Variants in RAB31 observed in about 807,000 individuals in gnomAD.
The protein encoded by RAB31 is ras-related protein Rab-31.
RAB31 carries 21 observed loss-of-function variants against 25.6 expected under a neutral mutation model. That is an observed-to-expected ratio of 0.82 (90% CI 0.58 to 1.18). The LOEUF (loss-of-function observed/expected upper bound fraction) is 1.18, where lower values mean the gene tolerates loss of function less well. Ranked by LOEUF, RAB31 falls within the 50% of genes most tolerant of loss-of-function variation. The pLI, the probability that RAB31 is intolerant of heterozygous loss-of-function variation, is 0.00. For synonymous variants in RAB31, 87 were observed against 84.0 expected (o/e 1.04, Z -0.20); for missense variants, 196 against 250.1 (o/e 0.78, Z 1.46).
intron 6 of RAB31, among the ~76,000 whole-genome samples, chr18:9,853,152 A>G (rs996103752): frequency 6.6e-6 from 1 of 152,128 alleles, no homozygotes; most frequent in Admixed American, 6.6e-5. Flanking sequence ...TTGTTTTTCA[A>G]TTATTTTCTC....
chr18:9,836,797 C>T lies in RAB31; in HGVS notation c.381-8785C>T, dbSNP rs542208815. ...ATGGGTAGAGTCAGTGTGTGAGGAACGGGGTGAAACATGGGGAGATTCAGT... is the reference window on the plus strand; with the variant it reads ...ATGGGTAGAGTCAGTGTGTGAGGAATGGGGTGAAACATGGGGAGATTCAGT... On this transcript the variant is annotated intron_variant, in intron 5 of 6. Coordinates refer to ENST00000578921, the MANE Select transcript of RAB31 (RefSeq NM_006868.4). Among the ~76,000 whole-genome samples, 193 of 145,390 alleles carry T rather than the reference C, an allele frequency of 1.3e-3. 1 individual carries two copies. Among genetic ancestry groups the T allele is most frequent in the African/African-American group, 4.6e-3 (176 of 38,412 alleles).
At chr18:9,828,191 G>A (rs2068659666) in intron 5 of RAB31, among the ~76,000 whole-genome samples, 1 of 152,160 alleles carries the variant, frequency 6.6e-6, no homozygotes, top group East Asian at 1.9e-4. Flanking sequence ...CTGCCCTGGG[G>A]AATAGTGGGA....
chr18:9,784,106 G>A (rs918946984), intron 2 of RAB31, among the ~76,000 whole-genome samples: 2 of 152,104 alleles, frequency 1.3e-5, no homozygotes, highest in Admixed American at 6.5e-5. Context: ...GCACAATCAT[G>A]GCTCACTGTA....
At chr18:9,800,818 A>G (rs2068510517) in intron 3 of RAB31, among the ~76,000 whole-genome samples, 1 of 152,104 alleles carries the variant, frequency 6.6e-6, no homozygotes, top group Non-Finnish European at 1.5e-5. Flanking sequence ...CTTTACTGAG[A>G]TCCGATTCAC....
intron 6 of RAB31, among the ~76,000 whole-genome samples, chr18:9,849,352 A>G (rs1030791950): frequency 3.9e-5 from 6 of 152,180 alleles, no homozygotes; most frequent in Non-Finnish European, 8.8e-5. Context: ...ATGGTGCTGA[A>G]TTCGGGGCTT....
rs960877230 is a variant in RAB31, at chr18:9,773,181, C to T, written c.40-2097C>T. 4.6e-5 allele frequency among the ~76,000 whole-genome samples: 7 copies of T among 152,154 alleles called. No individual in the cohort carries two copies. In the South Asian group the frequency reaches 6.2e-4, roughly 14 times the overall value. ...CTGATGAGTATTAAAAGCCAAGTCC[C>T]CTGTTGCCCCAGGTTTGCTGGAATT... is the stretch of plus-strand genomic sequence containing the variant. On this transcript the variant is annotated intron_variant, in intron 1 of 6. Coordinates refer to ENST00000578921, the MANE Select transcript of RAB31 (RefSeq NM_006868.4).
chr18:9,716,399 G>A (rs922263827), intron 1 of RAB31, among the ~76,000 whole-genome samples: 6 of 152,198 alleles, frequency 3.9e-5, no homozygotes, highest in African/African-American at 1.4e-4. Flanking sequence ...GCTTCTGCAA[G>A]TGTCAGGCAG....
chr18:9,741,149 G>A (rs6506688), intron 1 of RAB31, among the ~76,000 whole-genome samples: 61,320 of 151,514 alleles, frequency 0.4, 13,339 homozygotes, highest in East Asian at 0.7. Context: ...GCCGAGGTGG[G>A]CGGATCACTT....
intron 3 of RAB31, among the ~76,000 whole-genome samples, chr18:9,798,718 G>A (rs991001016): frequency 6.6e-6 from 1 of 151,656 alleles, no homozygotes. Context: ...TCCCAGGCCT[G>A]GTCAATCCTC....
intron 5 of RAB31, among the ~76,000 whole-genome samples, chr18:9,831,406 A>G (rs575257631): frequency 8.7e-4 from 132 of 152,308 alleles, no homozygotes; most frequent in Admixed American, 2.0e-3. Context: ...TTTATCTTGG[A>G]TATTTTTGGC....
intron 1 of RAB31, among the ~76,000 whole-genome samples, chr18:9,753,749 G>A (rs909293821): frequency 1.1e-4 from 16 of 152,144 alleles, no homozygotes; most frequent in Admixed American, 2.0e-4. Context: ...TACAAGTAGC[G>A]CGACTGTGAA....
intron 2 of RAB31, among the ~76,000 whole-genome samples, chr18:9,778,495 A>G (rs1313325716): frequency 1.3e-5 from 2 of 152,090 alleles, no homozygotes; most frequent in Non-Finnish European, 2.9e-5. Flanking sequence ...CTTGGCTCAA[A>G]AGTCTTGCTC....
chr18:9,795,095 C>T (rs949019853), intron 3 of RAB31, among the ~76,000 whole-genome samples: 1 of 152,180 alleles, frequency 6.6e-6, no homozygotes, highest in African/African-American at 2.4e-5. Context: ...CAAATACTTA[C>T]AGTCAACTGA....
intron 1 of RAB31, among the ~76,000 whole-genome samples, chr18:9,717,681 G>A (rs1160123450): frequency 2.0e-5 from 3 of 152,124 alleles, no homozygotes; most frequent in Non-Finnish European, 2.9e-5. Flanking sequence ...AGAGAAAGAG[G>A]AGAAGAGAAG....
intron 1 of RAB31, among the ~76,000 whole-genome samples, chr18:9,760,830 A>G (rs577556125): frequency 1.5e-3 from 229 of 152,318 alleles, no homozygotes; most frequent in Non-Finnish European, 2.7e-3. Context: ...TTCCCTGTTG[A>G]GTCACAGTGT....
At chr18:9,775,885 C>T (rs1234176149) in intron 2 of RAB31, among the ~76,000 whole-genome samples, 5 of 152,080 alleles carry the variant, frequency 3.3e-5, no homozygotes, top group Non-Finnish European at 7.4e-5. Context: ...CCTCCACCTC[C>T]AGGGTGGATT....
chr18:9,823,327 TG>T (rs1255418021), intron 5 of RAB31, among the ~76,000 whole-genome samples: 2 of 152,154 alleles, frequency 1.3e-5, no homozygotes, highest in South Asian at 2.1e-4. Context: ...CGGCACTGCT[TG>T]GTATCTTCTC....
chr18:9,786,448 G>A (rs1195341846), intron 2 of RAB31, among the ~76,000 whole-genome samples: 2 of 152,226 alleles, frequency 1.3e-5, no homozygotes, highest in Non-Finnish European at 2.9e-5. Flanking sequence ...AGGGGTTGGT[G>A]GGAACCCCAA....
At chr18:9,826,133 TTGGGAGGCTGAGG>T (rs1340398561) in intron 5 of RAB31, among the ~76,000 whole-genome samples, 1 of 152,150 alleles carries the variant, frequency 6.6e-6, no homozygotes, top group Non-Finnish European at 1.5e-5. Context: ...TCCCAACATG[TTGGGAGGCTGAGG>T]TGGGCAGCTT....
Sources: allele counts gnomAD v4.1 joint callset (sites outside exome capture counted in the v4.1 genomes callset), GRCh38; gene constraint gnomAD v4.1.1; transcripts MANE v1.5; gene names NCBI Gene and HGNC (gene_info 2026-07-23, HGNC 2026-07-21).